The following PDSS1 variants were observed in gnomAD, a reference collection of about 807,000 sequenced individuals.
PDSS1 encodes the protein all trans-polyprenyl-diphosphate synthase PDSS1.
A neutral mutation model predicts 57.5 loss-of-function variants in PDSS1; 43 were observed. That is an observed-to-expected ratio of 0.75 (90% CI 0.59 to 0.96). The LOEUF (loss-of-function observed/expected upper bound fraction) is 0.96. PDSS1 is among the 50% of genes least tolerant of loss of function. The pLI is 0.00. For missense variants in PDSS1, 438 were observed against 527.8 expected, an observed-to-expected ratio of 0.83 and a Z score of 1.67; for synonymous variants, 175 against 191.3, an observed-to-expected ratio of 0.91 and a Z score of 0.70.
chr10:26,729,838 A>G (rs1446776170), intron 8 of PDSS1, among the ~76,000 whole-genome samples: 1 of 151,232 alleles, frequency 6.6e-6, no homozygotes, highest in Non-Finnish European at 1.5e-5. Flanking sequence ...CAAGGTCATT[A>G]CCAAGGTCTG....
At chr10:26,739,776 A>G (rs1836523495) in intron 10 of PDSS1, among the ~76,000 whole-genome samples, 1 of 152,158 alleles carries the variant, frequency 6.6e-6, no homozygotes, top group South Asian at 2.1e-4. Flanking sequence ...CCCAGGCGAG[A>G]GGATCACTTG....
At chr10:26,741,399 C>T (rs1385214865) in intron 10 of PDSS1, among the ~76,000 whole-genome samples, 1 of 152,062 alleles carries the variant, frequency 6.6e-6, no homozygotes, top group East Asian at 1.9e-4. Flanking sequence ...CAGAGAATTG[C>T]TTGAACCCGG....
chr10:26,745,630 T>G (rs1287418127), intron 11 of PDSS1, among the ~76,000 whole-genome samples: 1 of 152,162 alleles, frequency 6.6e-6, no homozygotes, highest in Non-Finnish European at 1.5e-5. Context: ...GCAGATCACT[T>G]GAGGCCAGGA....
At chr10:26,736,435 G>T (rs898230811) in intron 10 of PDSS1, among the ~76,000 whole-genome samples, 7 of 152,218 alleles carry the variant, frequency 4.6e-5, no homozygotes, top group Non-Finnish European at 1.0e-4. Context: ...TAAAATTATA[G>T]TAACTTTTGG....
At chr10:26,719,990 C>A in intron 5 of PDSS1, 1 of 592,532 alleles carries the variant, frequency 1.7e-6, no homozygotes. Flanking sequence ...GCTAATGGTA[C>A]AATTTCTACT....
At chr10:26,717,394 G>T (rs1253869513) in intron 5 of PDSS1, among the ~76,000 whole-genome samples, 6 of 152,100 alleles carry the variant, frequency 3.9e-5, no homozygotes, top group African/African-American at 1.2e-4. Context: ...ACCATGCCTG[G>T]CTAGTTTTTG....
intron 5 of PDSS1, 146 bp downstream of exon 5, chr10:26,709,914 AGCC>A: frequency 1.2e-6 from 1 of 854,064 alleles, no homozygotes; most frequent in Non-Finnish European, 1.9e-6. Flanking sequence ...GCATTCTGGG[AGCC>A]TGAGGCGGGT....
intron 1 of PDSS1, 39 bp from the exon 2 acceptor site, chr10:26,702,123 G>A (rs1168751210): frequency 9.3e-6 from 4 of 431,344 alleles, no homozygotes; most frequent in Middle Eastern, 1.2e-3. Flanking sequence ...TACTCCCATT[G>A]TATCTTGGAT....
At chr10:26,704,576 G>T (rs1007419051) in intron 2 of PDSS1, 101 bp from the exon 3 acceptor site, 5 of 717,650 alleles carry the variant, frequency 7.0e-6, no homozygotes, top group African/African-American at 1.7e-5. Flanking sequence ...CTGTAAATGG[G>T]TGATTAGAAG....
intron 10 of PDSS1, among the ~76,000 whole-genome samples, chr10:26,736,618 G>GCAA (rs1836412813): frequency 6.6e-6 from 1 of 152,094 alleles, no homozygotes; most frequent in South Asian, 2.1e-4. Context: ...ATAGCCATTG[G>GCAA]CAGCATGATT....
intron 10 of PDSS1, among the ~76,000 whole-genome samples, chr10:26,740,162 A>T (rs1026285812): frequency 2.0e-5 from 3 of 149,690 alleles, no homozygotes; most frequent in East Asian, 1.9e-4. Flanking sequence ...AAAAAAAATT[A>T]AAAAATTAGC....
chr10:26,725,267 G>A (rs1043118413), intron 8 of PDSS1, among the ~76,000 whole-genome samples: 2 of 152,156 alleles, frequency 1.3e-5, no homozygotes, highest in Non-Finnish European at 2.9e-5. Flanking sequence ...TAATTAACAG[G>A]TAAAGAGAGC....
chr10:26,727,720 C>A (rs568038298), intron 8 of PDSS1, among the ~76,000 whole-genome samples: 1 of 152,060 alleles, frequency 6.6e-6, no homozygotes, highest in Admixed American at 6.6e-5. Context: ...TCAGATCTTG[C>A]CAGTTGTGAA....
At position 26,698,702 on chromosome 10, in the gene PDSS1, C is replaced by T. The variant is rs140080274; in HGVS notation, c.129+862C>T. Among the ~76,000 whole-genome samples the T allele has an allele frequency of 2.0e-3, 308 of 152,310 alleles. 2 individuals are homozygous for T. Among genetic ancestry groups the T allele is most frequent in the East Asian group, 2.5e-3 (13 of 5,188 alleles). ...CTTAAGTTTATTTGAATTTAGTACT[C>T]TTTTAATTCAGATTTGGTATACTTT... On this transcript the variant is annotated intron_variant, in intron 1 of 11. Transcript: ENST00000376215.
rs186086526 is a variant in PDSS1 at position 26,731,349 on chromosome 10, T to A, written c.832-3891T>A. Among the ~76,000 whole-genome samples, 399 of 152,212 alleles carry A rather than the reference T, an allele frequency of 2.6e-3. 5 individuals carry two copies. The South Asian group carries it at 0.028, about 11-fold the overall frequency. ...AAGTGAGACTCCATCTCAAAAAAAT[T>A]AATAAATAAATAATTTAAAAATTTT... On this transcript the variant is annotated intron_variant, in intron 8 of 11. Transcript: ENST00000376215.
At chr10:26,707,233 C>G (rs916156714) in intron 4 of PDSS1, among the ~76,000 whole-genome samples, 2 of 152,160 alleles carry the variant, frequency 1.3e-5, no homozygotes, top group Non-Finnish European at 2.9e-5. Context: ...AGGACATACA[C>G]CAATTAAGCT....
chr10:26,729,390 A>C (rs1038287498), intron 8 of PDSS1, among the ~76,000 whole-genome samples: 6 of 152,234 alleles, frequency 3.9e-5, no homozygotes, highest in Admixed American at 3.9e-4. Context: ...ATACGTGTAT[A>C]TCTTTCTGTA....
chr10:26,726,887 C>G (rs930395993), intron 8 of PDSS1, among the ~76,000 whole-genome samples: 10 of 152,020 alleles, frequency 6.6e-5, no homozygotes, highest in African/African-American at 2.4e-4. Context: ...CATGGCAAAA[C>G]CCCGTCTGTA....
At chr10:26,731,808 A>G (rs994479999) in intron 8 of PDSS1, among the ~76,000 whole-genome samples, 1 of 152,102 alleles carries the variant, frequency 6.6e-6, no homozygotes, top group Non-Finnish European at 1.5e-5. Context: ...TTATTTGTTT[A>G]TTTATCGGAG....
Sources: gnomAD v4.1 joint callset for allele counts (sites outside exome capture counted in the v4.1 genomes callset) on GRCh38, gnomAD v4.1.1 for gene constraint, MANE v1.5 for transcripts, NCBI Gene and HGNC (gene_info 2026-07-23, HGNC 2026-07-21) for gene names.